DOT1L: variants seen among roughly 807,000 people sequenced by gnomAD.
DOT1L encodes the protein histone-lysine N-methyltransferase, H3 lysine-79 specific.
A neutral mutation model predicts 153.3 loss-of-function variants in DOT1L; 33 were observed. The observed-to-expected ratio is 0.22, with a 90% CI of 0.16 to 0.29. DOT1L has a LOEUF of 0.29. Ranked by LOEUF, DOT1L falls within the 10% of genes least tolerant of loss-of-function variation. DOT1L has a pLI of 1.00. For missense variants in DOT1L, 1,847 were observed against 2,119.9 expected (o/e 0.87, Z 2.53); for synonymous variants, 1,135 against 965.1 (o/e 1.18, Z -3.26).
At chr19:2,177,297 C>G (rs111827309) in intron 1 of DOT1L, among the ~76,000 whole-genome samples, 2 of 151,960 alleles carry the variant, frequency 1.3e-5, no homozygotes, top group Admixed American at 1.3e-4. Context: ...CACGCAGGAA[C>G]AATTTTTTTT....
rs554383162 is a variant in DOT1L, at chr19:2,208,315, C to T, written c.964-620C>T. ...CACTCTGTTCCTGTTGTTGGGGTAG[C>T]GGTGGTTTTCCTTACGGTGGTGCTG... On this transcript the variant is annotated intron_variant, in intron 11 of 27. Transcript: ENST00000398665. The surrounding 1 kb of genome is among the most constrained non-coding windows in gnomAD (Gnocchi z 4.4). 9.9e-5 allele frequency among the ~76,000 whole-genome samples: 15 copies of T among 152,270 alleles called. No individual in the cohort carries two copies. The highest frequency in any genetic ancestry group is 6.5e-4 in the Admixed American group (10 of 15,304).
rs951553767 is a variant in DOT1L at position 2,180,585 on chromosome 19, G to A, written c.82-128G>A. ...TCTGGTGGTACCCGCTGGGTGGTGGGCTTGGGAGCTGCACCAGTTGGGAAA... is the reference window on the plus strand; with the variant it reads ...TCTGGTGGTACCCGCTGGGTGGTGGACTTGGGAGCTGCACCAGTTGGGAAA... On this transcript the variant is annotated intron_variant, in intron 1 of 27. Coordinates refer to ENST00000398665, the MANE Select transcript of DOT1L (RefSeq NM_032482.3). 5.3e-6 allele frequency: 6 copies of A among 1,132,682 alleles called. No homozygotes were observed. In the African/African-American group the frequency reaches 9.1e-5, roughly 17 times the overall value. The allele number at this position is 1,132,682 out of a possible 1,614,324, so 70.2% of individuals were successfully genotyped here. A position where few individuals can be genotyped will look rare whatever the true frequency, so the allele number is the denominator to read the frequency against.
rs771887061 is a variant in DOT1L at position 2,226,888 on chromosome 19, C to T, written c.4367C>T (p.Ser1456Phe). The T allele has an allele frequency of 1.9e-6, 3 of 1,577,106 alleles. No homozygotes were observed. Among genetic ancestry groups the T allele is most frequent in the African/African-American group, 1.4e-5 (1 of 72,230 alleles). ...GCGTCCTCCGCAGGCGGCGCGGCGT[C>T]CTCCGCCCAGACGCACCGGTCCTTC... ...PAASSAGGAA[S>F]SAQTHRSFLG... is the part of the protein sequence containing the mutation. Residue 1456 changes from serine (S) to phenylalanine (F), a missense_variant, in exon 27 of 28, where the codon TCC (serine) becomes TTC (phenylalanine). Coordinates refer to ENST00000398665, the MANE Select transcript of DOT1L (RefSeq NM_032482.3).
chr19:2,176,335 C>G (rs2021933263), intron 1 of DOT1L, among the ~76,000 whole-genome samples: 1 of 152,132 alleles, frequency 6.6e-6, no homozygotes, highest in Non-Finnish European at 1.5e-5. Flanking sequence ...GACACTGTCT[C>G]CCTAGCTGTG....
intron 27 of DOT1L, chr19:2,228,597 C>T (rs2024469976): frequency 5.1e-6 from 5 of 985,296 alleles, no homozygotes; most frequent in Middle Eastern, 5.2e-4. Context: ...TCCAGCTGCC[C>T]GCAGCTGGGT....
rs753392344 is a variant in DOT1L at position 2,222,198 on chromosome 19, C to T, written c.3029C>T (p.Pro1010Leu). ...ASPAHQLSSS[P>L]RLGGAAQGPL... is the part of the protein sequence containing the mutation. ...CCCGCCCACCAGCTCTCCTCCAGTC[C>T]CCGGCTTGGTGGGGCCGCCCAGGGC... The change falls in exon 24 of 28, where the codon CCC becomes CTC. Residue 1010 changes from proline (P) to leucine (L), a missense_variant. Coordinates refer to ENST00000398665, the MANE Select transcript of DOT1L (RefSeq NM_032482.3). This position sits in a 1 kb window ranked among gnomAD's most constrained non-coding sequence, Gnocchi z 6.5. 1 of 1,613,122 alleles carries T rather than the reference C, an allele frequency of 6.2e-7. No individual in the cohort carries two copies. The highest frequency in any genetic ancestry group is 1.7e-5 in the Admixed American group (1 of 60,016).
Position 2,216,617 on chromosome 19 carries a change from C to T in DOT1L, c.2260C>T (p.His754Tyr), listed in dbSNP as rs763886423. Residue 754 changes from histidine to tyrosine, a missense_variant, in exon 20 of 28, where the codon CAC (histidine) becomes TAC (tyrosine). His to Tyr is a moderately conservative substitution (Grantham distance 83). Transcript: ENST00000398665. ...DQEVVPCTPS[H>Y]VGRPRLEKLS... ...GGAGGTGGTGCCCTGTACCCCTAGC[C>T]ACGTCGGCCGGCCGCGCCTGGAGAA... The T allele has an allele frequency of 5.5e-5, 89 of 1,606,638 alleles. No individual in the cohort carries two copies. The highest frequency in any genetic ancestry group is 6.8e-5 in the Non-Finnish European group (80 of 1,179,926).
At chr19:2,206,581 T>C in intron 9 of DOT1L, 148 bp from the exon 10 acceptor site, 1 of 704,240 alleles carries the variant, frequency 1.4e-6, no homozygotes, top group Middle Eastern at 3.5e-4. Context: ...GGAAGGTGTT[T>C]CCTAGTGTTG....
chr19:2,209,555 C>T (rs1406903922), intron 12 of DOT1L, among the ~76,000 whole-genome samples: 5 of 152,172 alleles, frequency 3.3e-5, no homozygotes, highest in East Asian at 1.9e-4. Context: ...CGCGCTGCAC[C>T]GTCGGAGGCA....
intron 1 of DOT1L, among the ~76,000 whole-genome samples, chr19:2,165,113 C>A (rs1248113851): frequency 6.6e-6 from 1 of 152,176 alleles, no homozygotes; most frequent in Non-Finnish European, 1.5e-5. Context: ...CCTGAGGAGG[C>A]GGGGCGCGTG....
rs1427341440 is a variant in DOT1L at position 2,220,464 on chromosome 19, C to T, written c.2806+242C>T. 1.6e-6 allele frequency: 1 copy of T among 625,850 alleles called. No individual in the cohort carries two copies. Among genetic ancestry groups the T allele is most frequent in the South Asian group, 1.5e-5 (1 of 66,054 alleles). The allele number at this position is 625,850 out of a possible 1,614,324, so 38.8% of individuals were successfully genotyped here. A position where few individuals can be genotyped will look rare whatever the true frequency, so the allele number is the denominator to read the frequency against. On this transcript the variant is annotated intron_variant, in intron 23 of 27. Transcript: ENST00000398665. This position sits in a 1 kb window ranked among gnomAD's most constrained non-coding sequence, Gnocchi z 4.5. ...GGTCTCCCGACACTGACACCTCCTG[C>T]TTGGGTGTATTAATTCAGCCCGTGA... is the stretch of plus-strand genomic sequence containing the variant.
intron 2 of DOT1L, 47 bp from the exon 3 acceptor site, chr19:2,185,808 C>T (rs1568336031): frequency 6.3e-7 from 1 of 1,593,854 alleles, no homozygotes; most frequent in Non-Finnish European, 8.6e-7. Context: ...CAAAACAAAA[C>T]AAAAAAAACC....
At chr19:2,202,892 C>T in intron 9 of DOT1L, 113 bp downstream of exon 9, 1 of 954,306 alleles carries the variant, frequency 1.0e-6, no homozygotes, top group Middle Eastern at 2.7e-4. Flanking sequence ...GGTCTTCAGT[C>T]CCCTTGGAGC....
Position 2,222,048 on chromosome 19 carries a change from C to T in DOT1L, c.2879C>T (p.Ala960Val), listed in dbSNP as rs780394344. Residue 960 changes from alanine (A) to valine (V), a missense_variant, in exon 24 of 28, where the codon GCC (alanine) becomes GTC (valine). Physicochemically the swap from Ala to Val is moderately conservative, Grantham distance 64 (BLOSUM62 0). Transcript: ENST00000398665. This position sits in a 1 kb window ranked among gnomAD's most constrained non-coding sequence, Gnocchi z 6.5. ...AGSPASLTPG[A>V]EPATLDESSS... ...AGCCCGGCCTCTCTCACACCTGGAGCCGAGCCGGCCACCTTGGATGAGTCC... is the reference window on the plus strand; with the variant it reads ...AGCCCGGCCTCTCTCACACCTGGAGTCGAGCCGGCCACCTTGGATGAGTCC... 4 of 1,613,098 alleles carry T rather than the reference C, an allele frequency of 2.5e-6. No homozygotes were observed. The South Asian group carries it at 4.4e-5, about 18-fold the overall frequency.
chr19:2,230,829 A>C lies in DOT1L; in HGVS notation c.*1037A>C. On this transcript the variant is annotated 3_prime_UTR_variant, in exon 28 of 28. Coordinates refer to ENST00000398665, the MANE Select transcript of DOT1L (RefSeq NM_032482.3). ...CCTAGACCCCTCAGTTGCAGCTCCCAGCAGCCCAGACAGAGCTGCCGGCGC... is the reference window on the plus strand; with the variant it reads ...CCTAGACCCCTCAGTTGCAGCTCCCCGCAGCCCAGACAGAGCTGCCGGCGC... The C allele has an allele frequency of 2.7e-6, 1 of 369,406 alleles. No individual in the cohort carries two copies. Among genetic ancestry groups the C allele is most frequent in the Non-Finnish European group, 4.8e-6 (1 of 207,680 alleles). 22.9% of individuals were successfully genotyped at this position (369,406 alleles called of 1,614,324 possible).
At position 2,193,654 on chromosome 19, in the gene DOT1L, G is replaced by A. The variant is rs117734617; in HGVS notation, c.494-35G>A. On this transcript the variant is annotated intron_variant, in intron 5 of 27. Transcript: ENST00000398665. The surrounding 1 kb of genome is among the most constrained non-coding windows in gnomAD (Gnocchi z 5.9). ...ACGGCCTCCCGGGTGGCATCTGAGC[G>A]CTGTGTGGTATCTGATGGATCTCTC... 1.1e-5 allele frequency: 17 copies of A among 1,605,542 alleles called. No homozygotes were observed. Among genetic ancestry groups the A allele is most frequent in the Middle Eastern group, 1.7e-4 (1 of 6,042 alleles).
At chr19:2,227,635 C>A in intron 27 of DOT1L, 1 of 1,207,626 alleles carries the variant, frequency 8.3e-7, no homozygotes. Flanking sequence ...ACACGCCTGG[C>A]GGCGCCGTTT....
chr19:2,227,198 C>T (rs770077443), intron 27 of DOT1L, 71 bp downstream of exon 27: 128 of 1,554,746 alleles, frequency 8.2e-5, no homozygotes, highest in Non-Finnish European at 1.1e-4. Flanking sequence ...TGCAGGTTCC[C>T]TTCCGCACTC....
In DOT1L at chr19:2,222,118, C is replaced by T. The variant is rs752009208; in HGVS notation, c.2949C>T (p.Ser983=). Residue 983 remains serine, a synonymous_variant, in exon 24 of 28, where the codon TCC becomes TCT. Coordinates refer to ENST00000398665, the MANE Select transcript of DOT1L (RefSeq NM_032482.3). This position sits in a 1 kb window ranked among gnomAD's most constrained non-coding sequence, Gnocchi z 6.5. ...SLFATVGSRS[S]TPQHPLLLAQ... ...TTGCCACCGTGGGGTCCCGCAGCTCCACGCCACAGCACCCCCTGCTGCTGG... is the reference window on the plus strand; with the variant it reads ...TTGCCACCGTGGGGTCCCGCAGCTCTACGCCACAGCACCCCCTGCTGCTGG... 2.5e-6 allele frequency: 4 copies of T among 1,613,274 alleles called. No homozygotes were observed. The Admixed American group carries it at 6.7e-5, about 27-fold the overall frequency.
Sources: gnomAD v4.1 joint callset for allele counts (sites outside exome capture counted in the v4.1 genomes callset) on GRCh38, gnomAD v4.1.1 for gene constraint, Gnocchi (gnomAD v3.1) non-coding constraint, MANE v1.5 for transcripts, NCBI Gene and HGNC (gene_info 2026-07-23, HGNC 2026-07-21) for gene names.